SLC35F4: variants seen among roughly 807,000 people sequenced by gnomAD.
SLC35F4 encodes the protein solute carrier family 35 member F4.
A neutral mutation model predicts 44.2 loss-of-function variants in SLC35F4; 24 were observed. That is an observed-to-expected ratio of 0.54 (90% confidence interval 0.39 to 0.76). SLC35F4 has a LOEUF of 0.76. Among genes scored for constraint, SLC35F4 ranks in the 30% least tolerant of loss-of-function variants. SLC35F4 has a pLI of 0.00. For synonymous variants in SLC35F4, 238 were observed against 223.6 expected, an observed-to-expected ratio of 1.06 and a Z score of -0.57; for missense variants, 562 against 586.1, an observed-to-expected ratio of 0.96 and a Z score of 0.42.
At chr14:57,856,714 C>A (rs1264591823) in intron 1 of SLC35F4, among the ~76,000 whole-genome samples, 1 of 151,970 alleles carries the variant, frequency 6.6e-6, no homozygotes. Context: ...TTACTGTTTA[C>A]AAAACACTTC....
At chr14:57,578,300 G>T in intron 4 of SLC35F4, among the ~76,000 whole-genome samples, 1 of 118,248 alleles carries the variant, frequency 8.5e-6, no homozygotes, top group East Asian at 2.7e-4. Flanking sequence ...ATTTTAATCT[G>T]ATGACTGAAA....
intron 1 of SLC35F4, among the ~76,000 whole-genome samples, chr14:57,858,979 C>T (rs28594988): frequency 0.094 from 14,140 of 150,708 alleles, 1,061 homozygotes; most frequent in African/African-American, 0.21. Context: ...TGTGATGATA[C>T]GCACCTGTAG....
At chr14:57,815,537 T>A (rs1882462872) in intron 1 of SLC35F4, among the ~76,000 whole-genome samples, 1 of 152,330 alleles carries the variant, frequency 6.6e-6, no homozygotes, top group South Asian at 2.1e-4. Context: ...CATTAAGATG[T>A]ATAAGAAAGA....
intron 1 of SLC35F4, among the ~76,000 whole-genome samples, chr14:57,958,598 G>A (rs1221409137): frequency 1.3e-5 from 2 of 152,070 alleles, no homozygotes; most frequent in Non-Finnish European, 2.9e-5. Flanking sequence ...AATACTTCGT[G>A]TGTATACCAA....
At chr14:57,768,714 G>A (rs918251726) in intron 1 of SLC35F4, among the ~76,000 whole-genome samples, 1 of 152,028 alleles carries the variant, frequency 6.6e-6, no homozygotes, top group African/African-American at 2.4e-5. Context: ...CCCAGCCATG[G>A]GGATACTATT....
intron 1 of SLC35F4, among the ~76,000 whole-genome samples, chr14:57,924,047 G>A (rs1889496080): frequency 6.6e-6 from 1 of 152,162 alleles, no homozygotes; most frequent in South Asian, 2.1e-4. Flanking sequence ...GAGTTTCCCT[G>A]TACAGGCTCT....
At chr14:57,663,691 G>A (rs73305918) in intron 1 of SLC35F4, among the ~76,000 whole-genome samples, 3,936 of 152,272 alleles carry the variant, frequency 0.026, 161 homozygotes, top group African/African-American at 0.088. Flanking sequence ...AATGGAAAGA[G>A]CCACAGGTAA....
At chr14:57,684,770 C>T (rs762958579) in intron 1 of SLC35F4, among the ~76,000 whole-genome samples, 6 of 152,168 alleles carry the variant, frequency 3.9e-5, no homozygotes, top group Non-Finnish European at 5.9e-5. Flanking sequence ...GGCAGGCACC[C>T]TCAATATTGA....
chr14:57,582,844 C>A (rs1219055412), intron 3 of SLC35F4, among the ~76,000 whole-genome samples: 3 of 152,130 alleles, frequency 2.0e-5, no homozygotes, highest in East Asian at 3.9e-4. Flanking sequence ...CATGAATAAC[C>A]CCAAAAAAGG....
chr14:57,936,904 A>G (rs2141069561), intron 1 of SLC35F4, among the ~76,000 whole-genome samples: 1 of 152,312 alleles, frequency 6.6e-6, no homozygotes, highest in East Asian at 1.9e-4. Flanking sequence ...TTGAGGGAAA[A>G]ATGATCAAGC....
intron 1 of SLC35F4, among the ~76,000 whole-genome samples, chr14:57,814,397 G>C (rs1307502949): frequency 2.6e-5 from 4 of 152,176 alleles, no homozygotes. Context: ...CAAAGACCTA[G>C]TCCAAACTGA....
rs573587614 is a variant in SLC35F4, at chr14:57,952,531, G to T, written n.282+29382C>A. ...GTTCTAACCCATGCAAGGAAGCTAA[G>T]AACCTTGAAAAAAGGTTAGAGGAAT... On this transcript the variant is annotated intron_variant and non_coding_transcript_variant, in intron 1 of 1. Transcript: ENST00000556568. Among the ~76,000 whole-genome samples, 84 of 151,936 alleles carry T rather than the reference G, an allele frequency of 5.5e-4. 2 individuals are homozygous for T. The South Asian group carries it at 0.014, about 24-fold the overall frequency.
At chr14:57,767,395 A>C (rs1356332312) in intron 1 of SLC35F4, among the ~76,000 whole-genome samples, 2 of 152,196 alleles carry the variant, frequency 1.3e-5, no homozygotes, top group Admixed American at 1.3e-4. Flanking sequence ...TGAGTAACAG[A>C]AAGAAAATGA....
intron 1 of SLC35F4, among the ~76,000 whole-genome samples, chr14:57,643,720 A>C (rs1174740722): frequency 6.6e-6 from 1 of 151,834 alleles, no homozygotes; most frequent in Non-Finnish European, 1.5e-5. Context: ...GCACCCATTA[A>C]CTCCTCATTT....
At chr14:57,926,919 T>C (rs1377457264) in intron 1 of SLC35F4, among the ~76,000 whole-genome samples, 1 of 152,152 alleles carries the variant, frequency 6.6e-6, no homozygotes, top group Non-Finnish European at 1.5e-5. Context: ...CTGGTCTCCT[T>C]TTCTGTCCTG....
chr14:57,748,097 C>T lies in SLC35F4; in HGVS notation c.103+117626G>A, dbSNP rs1365492405. 2.6e-5 allele frequency among the ~76,000 whole-genome samples: 4 copies of T among 152,148 alleles called. No homozygotes were observed. In the East Asian group the frequency reaches 7.7e-4, roughly 29 times the overall value. ...TAGGCTCAAGTTGTAGAACTCTATACATGACCAAGAAAACATCATAGAAAT... is the reference window on the plus strand; with the variant it reads ...TAGGCTCAAGTTGTAGAACTCTATATATGACCAAGAAAACATCATAGAAAT... On this transcript the variant is annotated intron_variant, in intron 1 of 7. Coordinates refer to ENST00000556826, the MANE Select transcript of SLC35F4 (RefSeq NM_001306087.2).
intron 1 of SLC35F4, among the ~76,000 whole-genome samples, chr14:57,709,756 C>G (rs2075771791): frequency 1.3e-5 from 2 of 152,042 alleles, no homozygotes; most frequent in Admixed American, 6.6e-5. Flanking sequence ...CTTAGATACC[C>G]TAAGGTATCT....
intron 1 of SLC35F4, among the ~76,000 whole-genome samples, chr14:57,965,688 C>T (rs1159186668): frequency 6.6e-6 from 1 of 152,190 alleles, no homozygotes; most frequent in Non-Finnish European, 1.5e-5. Flanking sequence ...GAATCAAAAA[C>T]AGGTCATCTT....
At chr14:57,808,791 G>A (rs376246072) in intron 1 of SLC35F4, among the ~76,000 whole-genome samples, 13 of 152,170 alleles carry the variant, frequency 8.5e-5, no homozygotes, top group African/African-American at 3.1e-4. Context: ...GGGTGACAGA[G>A]CGAGACTCCG....
Sources: allele counts gnomAD v4.1 joint callset (sites outside exome capture counted in the v4.1 genomes callset), GRCh38; gene constraint gnomAD v4.1.1; transcripts MANE v1.5; gene names NCBI Gene and HGNC (gene_info 2026-07-23, HGNC 2026-07-21).